The following TBC1D8 variants were observed in gnomAD, a reference collection of about 807,000 sequenced individuals.
TBC1D8 encodes the protein TBC1 domain family member 8, also known as BUB2-like protein 1.
In TBC1D8, 65 loss-of-function variants were observed where a neutral mutation model predicts 118.8. The observed-to-expected ratio is 0.55, with a 90% CI of 0.45 to 0.67. The LOEUF is 0.67. Among genes scored for constraint, TBC1D8 ranks in the 30% least tolerant of loss-of-function variants. The pLI, the probability that TBC1D8 is intolerant of heterozygous loss-of-function variation, is 0.00. For synonymous variants in TBC1D8, 566 were observed against 595.8 expected, an observed-to-expected ratio of 0.95 and a Z score of 0.73; for missense variants, 1,376 against 1,471.2, an observed-to-expected ratio of 0.94 and a Z score of 1.06.
At chr2:101,021,368 C>T (rs565876866) in intron 17 of TBC1D8, among the ~76,000 whole-genome samples, 1 of 152,314 alleles carries the variant, frequency 6.6e-6, no homozygotes, top group Admixed American at 6.5e-5. Flanking sequence ...GGATATGGCT[C>T]TCACACACAT....
At chr2:101,149,587 CCTCA>C (rs1679463612) in intron 1 of TBC1D8, among the ~76,000 whole-genome samples, 2 of 152,300 alleles carry the variant, frequency 1.3e-5, no homozygotes, top group Admixed American at 6.5e-5. Flanking sequence ...CAGGCCTTGT[CCTCA>C]CTCTCTACTA....
chr2:101,096,368 A>G (rs1223802818), intron 1 of TBC1D8, among the ~76,000 whole-genome samples: 1 of 139,826 alleles, frequency 7.2e-6, no homozygotes, highest in African/African-American at 2.6e-5. Context: ...CTCATACTTC[A>G]GGACTATTTT....
chr2:101,086,775 C>CA (rs1250590726), intron 2 of TBC1D8, among the ~76,000 whole-genome samples: 1 of 152,048 alleles, frequency 6.6e-6, no homozygotes. Flanking sequence ...AAAAAAATCG[C>CA]AAAAAAATTT....
chr2:101,103,608 G>T (rs937816237), intron 1 of TBC1D8, among the ~76,000 whole-genome samples: 4 of 151,914 alleles, frequency 2.6e-5, no homozygotes, highest in Non-Finnish European at 1.5e-5. Flanking sequence ...TAGCCAGGAT[G>T]GTCTCGATCT....
intron 1 of TBC1D8, among the ~76,000 whole-genome samples, chr2:101,127,362 G>T (rs1678399763): frequency 6.7e-6 from 1 of 149,460 alleles, no homozygotes; most frequent in African/African-American, 2.4e-5. Flanking sequence ...GAGAAAGAAG[G>T]AAATTCAGGT....
chr2:101,046,308 C>T (rs1335071531), intron 5 of TBC1D8, among the ~76,000 whole-genome samples: 4 of 152,156 alleles, frequency 2.6e-5, no homozygotes, highest in East Asian at 1.9e-4. Flanking sequence ...TTTGGAAATC[C>T]GTCTGCACTG....
intron 1 of TBC1D8, among the ~76,000 whole-genome samples, chr2:101,115,293 T>C (rs192688914): frequency 2.6e-5 from 4 of 152,166 alleles, no homozygotes; most frequent in African/African-American, 9.7e-5. Context: ...AAAAATCAAA[T>C]GAAATTAAAA....
intron 1 of TBC1D8, among the ~76,000 whole-genome samples, chr2:101,127,672 G>A (rs1427209997): frequency 6.6e-6 from 1 of 152,058 alleles, no homozygotes; most frequent in Non-Finnish European, 1.5e-5. Flanking sequence ...CAAAGTGCTG[G>A]GATTACAAAC....
intron 1 of TBC1D8, among the ~76,000 whole-genome samples, chr2:101,110,781 G>T (rs1426338515): frequency 6.6e-6 from 1 of 152,016 alleles, no homozygotes; most frequent in African/African-American, 2.4e-5. Flanking sequence ...GACCAGCCTG[G>T]CCAATATGGT....
intron 1 of TBC1D8, among the ~76,000 whole-genome samples, chr2:101,131,930 G>A (rs1312482597): frequency 8.5e-5 from 13 of 152,106 alleles, no homozygotes. Context: ...CTAAATGAAA[G>A]GTTTTTTAAA....
intron 19 of TBC1D8, among the ~76,000 whole-genome samples, chr2:101,009,406 C>CAAA (rs70943054): frequency 1.0e-5 from 1 of 97,758 alleles, no homozygotes; most frequent in Non-Finnish European, 2.1e-5. Flanking sequence ...ACTCTGTCTC[C>CAAA]AAAAAAAAAA....
chr2:101,007,758 A>G lies in TBC1D8; in HGVS notation c.*63T>C. 6.5e-7 allele frequency: 1 copy of G among 1,527,856 alleles called. No individual in the cohort carries two copies. The highest frequency in any genetic ancestry group is 8.9e-7 in the Non-Finnish European group (1 of 1,121,350). The allele number at this position is 1,527,856 out of a possible 1,614,324, so 94.6% of individuals were successfully genotyped here. ...AAATCTCGGTTTAGGGCTGACCCCA[A>G]GAAACAGTCTGGTTCGTGCTTTGGT... On this transcript the variant is annotated 3_prime_UTR_variant, in exon 20 of 20. Coordinates refer to ENST00000409318, the MANE Select transcript of TBC1D8 (RefSeq NM_001330348.2).
chr2:101,151,140 GC>G lies in TBC1D8; in HGVS notation c.113del (p.Gly38AlafsTer40). On this transcript the variant is annotated frameshift_variant, in exon 1 of 20. Coordinates refer to ENST00000409318, the MANE Select transcript of TBC1D8 (RefSeq NM_001330348.2). LOFTEE classifies it high-confidence loss of function. ...CGAGCCCCTTACCGGTGAGGCGGCC[GC>G]CCCCCTCGCCGTGCCCGCGGCGCCG... ...LQRRRGHGEG[G>X]GRLTGRLVGA... 10 of 1,169,852 alleles carry G rather than the reference GC, an allele frequency of 8.5e-6. No homozygotes were observed. Among genetic ancestry groups the G allele is most frequent in the East Asian group, 5.7e-5 (1 of 17,466 alleles). The allele number at this position is 1,169,852 out of a possible 1,614,324, so 72.5% of individuals were successfully genotyped here. A position where few individuals can be genotyped will look rare whatever the true frequency, so the allele number is the denominator to read the frequency against.
intron 15 of TBC1D8, chr2:101,023,613 A>C: frequency 2.3e-6 from 1 of 439,176 alleles, no homozygotes; most frequent in Non-Finnish European, 4.6e-6. Flanking sequence ...TACATTAACA[A>C]TTTTTTTTAA....
intron 1 of TBC1D8, among the ~76,000 whole-genome samples, chr2:101,130,923 T>G (rs1341570315): frequency 6.6e-6 from 1 of 152,224 alleles, no homozygotes; most frequent in Non-Finnish European, 1.5e-5. Flanking sequence ...ATATACATTA[T>G]ATCAAAAACT....
intron 1 of TBC1D8, among the ~76,000 whole-genome samples, chr2:101,136,176 G>A (rs1678847727): frequency 6.6e-6 from 1 of 152,128 alleles, no homozygotes; most frequent in Non-Finnish European, 1.5e-5. Flanking sequence ...GATCTCCAGT[G>A]TTAGAGGTGG....
At chr2:101,037,877 A>G (rs1681123643) in intron 7 of TBC1D8, among the ~76,000 whole-genome samples, 169 bp from the exon 8 acceptor site, 1 of 152,116 alleles carries the variant, frequency 6.6e-6, no homozygotes, top group Non-Finnish European at 1.5e-5. Context: ...CTAGGAAGAC[A>G]CAGTCCCACT....
intron 1 of TBC1D8, among the ~76,000 whole-genome samples, chr2:101,116,738 T>C (rs2104221426): frequency 6.6e-6 from 1 of 151,912 alleles, no homozygotes; most frequent in South Asian, 2.1e-4. Flanking sequence ...CCTCCTGGGC[T>C]CAAGCAATTC....
At chr2:101,073,296 A>ATTTTT (rs373693169) in intron 2 of TBC1D8, among the ~76,000 whole-genome samples, 9 of 75,948 alleles carry the variant, frequency 1.2e-4, no homozygotes, top group African/African-American at 3.3e-4. Flanking sequence ...ATTTTATTTT[A>ATTTTT]TTTATTTTTT....
Sources: allele counts gnomAD v4.1 joint callset (sites outside exome capture counted in the v4.1 genomes callset), GRCh38; gene constraint gnomAD v4.1.1; transcripts MANE v1.5; gene names NCBI Gene and HGNC (gene_info 2026-07-23, HGNC 2026-07-21).